The following IPPK variants were observed in gnomAD, a reference collection of about 807,000 sequenced individuals.
The protein encoded by IPPK is inositol-pentakisphosphate 2-kinase.
IPPK carries 22 observed loss-of-function variants against 64.6 expected under a neutral mutation model. The observed-to-expected ratio is 0.34, with a 90% CI of 0.24 to 0.49. The LOEUF is 0.49. Ranked by LOEUF, IPPK falls within the 20% of genes least tolerant of loss-of-function variation. The pLI, the probability that IPPK is intolerant of heterozygous loss-of-function variation, is 0.99. For missense variants in IPPK, 532 were observed against 630.7 expected (o/e 0.84, Z 1.68); for synonymous variants, 262 against 247.2 (o/e 1.06, Z -0.56).
rs1288984387 is a variant in IPPK at position 92,615,424 on chromosome 9, T to C, written c.*408A>G. ...AGTAGTATCCATGTTTTCTTAAAAG[T>C]CCAAACTGTAAAATGTATGTGACAA... On this transcript the variant is annotated 3_prime_UTR_variant, in exon 13 of 13. Transcript: ENST00000287996. The C allele has an allele frequency of 5.6e-6, 1 of 177,368 alleles. No individual in the cohort carries two copies. Among genetic ancestry groups the C allele is most frequent in the Non-Finnish European group, 1.2e-5 (1 of 83,748 alleles). 11.0% of individuals were successfully genotyped at this position (177,368 alleles called of 1,614,324 possible).
chr9:92,638,426 C>T (rs1403035260), intron 8 of IPPK, 146 bp from the exon 9 acceptor site: 14 of 845,210 alleles, frequency 1.7e-5, no homozygotes, highest in African/African-American at 5.1e-5. Flanking sequence ...CTGCATACTC[C>T]GGCTCCTCCG....
At chr9:92,627,458 T>C (rs1851754682) in intron 11 of IPPK, among the ~76,000 whole-genome samples, 1 of 152,062 alleles carries the variant, frequency 6.6e-6, no homozygotes, top group Non-Finnish European at 1.5e-5. Context: ...CTCAATAAAA[T>C]AATCAAAAAC....
intron 11 of IPPK, among the ~76,000 whole-genome samples, chr9:92,632,937 G>A: frequency 6.6e-6 from 1 of 152,318 alleles, no homozygotes; most frequent in South Asian, 2.1e-4. Flanking sequence ...CTCCAGAACA[G>A]GTTTCCTCAC....
intron 11 of IPPK, among the ~76,000 whole-genome samples, chr9:92,623,644 A>G (rs1328155299): frequency 6.6e-6 from 1 of 152,202 alleles, no homozygotes; most frequent in Non-Finnish European, 1.5e-5. Context: ...TCCAGTAAAC[A>G]TATGAGAAGG....
chr9:92,643,799 G>C (rs1271222997), intron 6 of IPPK, among the ~76,000 whole-genome samples: 2 of 152,230 alleles, frequency 1.3e-5, no homozygotes, highest in African/African-American at 4.8e-5. Flanking sequence ...TGTGGACAGA[G>C]ATCACTTCAT....
Position 92,615,595 on chromosome 9 carries a change from C to T in IPPK, c.*237G>A, listed in dbSNP as rs1054871657. The T allele has an allele frequency of 1.2e-4, 59 of 504,964 alleles. No homozygotes were observed. The highest frequency in any genetic ancestry group is 5.1e-4 in the Admixed American group (15 of 29,622). The allele number at this position is 504,964 out of a possible 1,614,324, so 31.3% of individuals were successfully genotyped here. A position where few individuals can be genotyped will look rare whatever the true frequency, so the allele number is the denominator to read the frequency against. ...ACGTCTTCCCAGGGCTTAACGGACACTTCCATTTTAAGAGTGTGAGCAGCT... is the reference window on the plus strand; with the variant it reads ...ACGTCTTCCCAGGGCTTAACGGACATTTCCATTTTAAGAGTGTGAGCAGCT... On this transcript the variant is annotated 3_prime_UTR_variant, in exon 13 of 13. Coordinates refer to ENST00000287996, the MANE Select transcript of IPPK (RefSeq NM_022755.6).
chr9:92,657,991 C>T (rs896500266), intron 2 of IPPK, among the ~76,000 whole-genome samples: 9 of 152,182 alleles, frequency 5.9e-5, no homozygotes, highest in Non-Finnish European at 1.3e-4. Flanking sequence ...GGAGCTCACC[C>T]CCAGCTCAGC....
At chr9:92,669,717 C>T (rs973625961) in intron 1 of IPPK, among the ~76,000 whole-genome samples, 191 bp downstream of exon 1, 1 of 139,232 alleles carries the variant, frequency 7.2e-6, no homozygotes, top group African/African-American at 2.8e-5. Context: ...AGAGGGGATA[C>T]TGGGGTGATG....
At chr9:92,638,694 G>A (rs1226640132) in intron 8 of IPPK, among the ~76,000 whole-genome samples, 1 of 152,264 alleles carries the variant, frequency 6.6e-6, no homozygotes, top group African/African-American at 2.4e-5. Context: ...ATGGCAGTCA[G>A]CACCAGCACC....
At chr9:92,664,241 G>A (rs896401409) in intron 1 of IPPK, among the ~76,000 whole-genome samples, 2 of 152,226 alleles carry the variant, frequency 1.3e-5, no homozygotes, top group African/African-American at 4.8e-5. Context: ...AACAGGAAGC[G>A]CTCCCAAGGG....
rs1413848919 is a variant in IPPK, at chr9:92,649,548, T to A, written c.319A>T (p.Thr107Ser). 9 of 1,613,534 alleles carry A rather than the reference T, an allele frequency of 5.6e-6. No individual in the cohort carries two copies. The highest frequency in any genetic ancestry group is 7.6e-6 in the Non-Finnish European group (9 of 1,179,882). Residue 107 changes from threonine (T) to serine (S), a missense_variant, in exon 5 of 13, where the codon ACT becomes TCT. Physicochemically the swap from Thr to Ser is moderately conservative, Grantham distance 58. Transcript: ENST00000287996. ...AGGCACATAGCGTAACCACTGAGAG[T>A]ATCCAGGTCCTTGTCACAGCGAGAC... is the stretch of plus-strand genomic sequence containing the variant. Reference protein sequence around the residue: ...PESRCDKDLDTLSGYAMCLPN... With the variant: ...PESRCDKDLDSLSGYAMCLPN...
intron 4 of IPPK, among the ~76,000 whole-genome samples, 190 bp downstream of exon 4, chr9:92,652,383 A>G (rs947047459): frequency 6.8e-6 from 1 of 146,712 alleles, no homozygotes; most frequent in Non-Finnish European, 1.5e-5. Context: ...CGGGAGGTGG[A>G]GCTTGCAGTG....
intron 7 of IPPK, among the ~76,000 whole-genome samples, chr9:92,641,748 G>A (rs1587632111): frequency 6.6e-6 from 1 of 152,182 alleles, no homozygotes; most frequent in Non-Finnish European, 1.5e-5. Flanking sequence ...TGATGACCAG[G>A]CACGCACTCA....
intron 8 of IPPK, 37 bp downstream of exon 8, chr9:92,640,673 C>A: frequency 7.0e-7 from 1 of 1,435,760 alleles, no homozygotes; most frequent in Non-Finnish European, 9.8e-7. Context: ...TTGCCAGCCC[C>A]ACCCTGAAAC....
At chr9:92,621,913 A>G (rs1047742179) in intron 11 of IPPK, among the ~76,000 whole-genome samples, 1 of 152,220 alleles carries the variant, frequency 6.6e-6, no homozygotes, top group Non-Finnish European at 1.5e-5. Flanking sequence ...CCAAGGCTGA[A>G]CACAGACATT....
At chr9:92,644,822 C>A (rs1852119457) in intron 6 of IPPK, among the ~76,000 whole-genome samples, 3 of 152,246 alleles carry the variant, frequency 2.0e-5, no homozygotes, top group Middle Eastern at 6.8e-3. Flanking sequence ...AGAGGGGCCA[C>A]ATTATATTAT....
chr9:92,666,915 A>T (rs1280005181), intron 1 of IPPK, among the ~76,000 whole-genome samples: 1 of 152,152 alleles, frequency 6.6e-6, no homozygotes, highest in Non-Finnish European at 1.5e-5. Context: ...CGCTGCACAG[A>T]AGGCTCTCTC....
At chr9:92,657,890 C>T (rs1852405566) in intron 2 of IPPK, among the ~76,000 whole-genome samples, 1 of 152,074 alleles carries the variant, frequency 6.6e-6, no homozygotes, top group Non-Finnish European at 1.5e-5. Context: ...TGCCATGTCC[C>T]AGGAGCCCTC....
At chr9:92,618,820 G>C in intron 12 of IPPK, 2 of 353,310 alleles carry the variant, frequency 5.7e-6, no homozygotes, top group South Asian at 4.4e-5. Context: ...CAGCAACCAA[G>C]GTCATCTTGA....
Sources: allele counts gnomAD v4.1 joint callset (sites outside exome capture counted in the v4.1 genomes callset), GRCh38; gene constraint gnomAD v4.1.1; transcripts MANE v1.5; gene names NCBI Gene and HGNC (gene_info 2026-07-23, HGNC 2026-07-21).